The following CLASP1 variants were observed in gnomAD, a reference collection of about 807,000 sequenced individuals.
The protein encoded by CLASP1 is cytoplasmic linker associated protein 1, also known as CLIP-associating protein 1.
A neutral mutation model predicts 192.3 loss-of-function variants in CLASP1; 38 were observed. That is an observed-to-expected ratio of 0.20 (90% CI 0.15 to 0.26). The LOEUF is 0.26. CLASP1 is among the 10% of genes least tolerant of loss of function. CLASP1 has a pLI of 1.00. For synonymous variants in CLASP1, 691 were observed against 712.8 expected (o/e 0.97, Z 0.49); for missense variants, 1,433 against 1,932.5 (o/e 0.74, Z 4.85).
chr2:121,478,936 C>A (rs975977443), intron 8 of CLASP1, among the ~76,000 whole-genome samples: 2 of 13,860 alleles, frequency 1.4e-4, no homozygotes, highest in African/African-American at 2.7e-4. Context: ...CACACAACAC[C>A]CCCCACACAC....
intron 32 of CLASP1, among the ~76,000 whole-genome samples, chr2:121,385,286 C>T (rs910995252): frequency 6.6e-6 from 1 of 152,158 alleles, no homozygotes; most frequent in Non-Finnish European, 1.5e-5. Flanking sequence ...TGGCTATTTA[C>T]ACACTGAATG....
chr2:121,377,069 C>A (rs2070422540), intron 34 of CLASP1, among the ~76,000 whole-genome samples: 1 of 152,220 alleles, frequency 6.6e-6, no homozygotes. Flanking sequence ...CATCCTCCCA[C>A]CAACTGGCCT....
At chr2:121,417,801 TTTTGA>T (rs1262000457) in intron 23 of CLASP1, among the ~76,000 whole-genome samples, 3 of 152,256 alleles carry the variant, frequency 2.0e-5, no homozygotes, top group South Asian at 2.1e-4. Flanking sequence ...GACCTTATGC[TTTTGA>T]TTTAACATCC....
intron 2 of CLASP1, among the ~76,000 whole-genome samples, chr2:121,596,431 T>C (rs933174703): frequency 6.6e-6 from 1 of 152,154 alleles, no homozygotes; most frequent in African/African-American, 2.4e-5. Context: ...TCCAATAATC[T>C]TTTCTGGCTC....
intron 8 of CLASP1, among the ~76,000 whole-genome samples, chr2:121,492,922 T>C (rs2150163088): frequency 6.6e-6 from 1 of 152,242 alleles, no homozygotes; most frequent in African/African-American, 2.4e-5. Flanking sequence ...GTAGAAACAA[T>C]CCAACTGTCC....
chr2:121,369,109 G>A (rs1194222315), intron 34 of CLASP1, among the ~76,000 whole-genome samples: 1 of 152,188 alleles, frequency 6.6e-6, no homozygotes, highest in Non-Finnish European at 1.5e-5. Flanking sequence ...TTGTTTATCT[G>A]TTCATCTGCT....
chr2:121,403,921 T>G (rs1279908546), intron 26 of CLASP1: 6 of 426,760 alleles, frequency 1.4e-5, no homozygotes, highest in Non-Finnish European at 2.3e-5. Flanking sequence ...TATCAATAAA[T>G]CCATTACATA....
Position 121,529,927 on chromosome 2 carries a change from G to T in CLASP1, c.274+320C>A, listed in dbSNP as rs536136610. 2.0e-5 allele frequency among the ~76,000 whole-genome samples: 3 copies of T among 152,320 alleles called. No homozygotes were observed. The South Asian group carries it at 6.2e-4, about 32-fold the overall frequency. ...AAAATGGCACTAATATTTCATATTA[G>T]AACACGTATTACTAAGTTCCGTGTG... On this transcript the variant is annotated intron_variant, in intron 3 of 39. Coordinates refer to ENST00000263710, the Ensembl canonical transcript of CLASP1.
At chr2:121,539,122 A>G (rs2095169264) in intron 2 of CLASP1, among the ~76,000 whole-genome samples, 1 of 152,242 alleles carries the variant, frequency 6.6e-6, no homozygotes, top group South Asian at 2.1e-4. Context: ...ACATTCCACT[A>G]AAAACCCTAA....
chr2:121,488,143 G>T (rs1356380991), intron 8 of CLASP1, among the ~76,000 whole-genome samples: 2 of 152,130 alleles, frequency 1.3e-5, no homozygotes, highest in Non-Finnish European at 2.9e-5. Context: ...CAAGATCTGG[G>T]TACTGGATGG....
At chr2:121,522,534 A>T (rs968452396) in intron 6 of CLASP1, among the ~76,000 whole-genome samples, 2 of 152,232 alleles carry the variant, frequency 1.3e-5, no homozygotes, top group African/African-American at 4.8e-5. Context: ...ATCTTATTTT[A>T]AAAAACTATC....
intron 2 of CLASP1, among the ~76,000 whole-genome samples, chr2:121,597,897 C>A (rs1227976716): frequency 6.6e-6 from 1 of 152,188 alleles, no homozygotes; most frequent in Non-Finnish European, 1.5e-5. Context: ...AGTTGCATAG[C>A]CCAGGCGGTC....
intron 2 of CLASP1, among the ~76,000 whole-genome samples, chr2:121,566,466 G>T (rs1234540276): frequency 4.6e-5 from 7 of 152,174 alleles, no homozygotes; most frequent in African/African-American, 1.7e-4. Context: ...GAAAGACTGG[G>T]TTTTCAAGTA....
At chr2:121,485,129 CA>C (rs1363123895) in intron 8 of CLASP1, among the ~76,000 whole-genome samples, 2 of 152,174 alleles carry the variant, frequency 1.3e-5, no homozygotes, top group African/African-American at 4.8e-5. Context: ...GGCCTTTTAC[CA>C]AAGGCATAAC....
At chr2:121,500,431 AAAG>A (rs760033031) in intron 8 of CLASP1, among the ~76,000 whole-genome samples, 12 of 151,212 alleles carry the variant, frequency 7.9e-5, no homozygotes, top group Non-Finnish European at 1.3e-4. Context: ...AGAAAAGAGA[AAAG>A]AAAAGAGGGA....
At chr2:121,561,294 T>C (rs1193700405) in intron 2 of CLASP1, among the ~76,000 whole-genome samples, 1 of 152,238 alleles carries the variant, frequency 6.6e-6, no homozygotes, top group African/African-American at 2.4e-5. Context: ...TATATCTCCT[T>C]AACTACCTGG....
chr2:121,631,229 A>G (rs2069581440), intron 1 of CLASP1, among the ~76,000 whole-genome samples: 1 of 149,594 alleles, frequency 6.7e-6, no homozygotes, highest in African/African-American at 2.4e-5. Context: ...ACTGAACTAT[A>G]GTCATATTTT....
At chr2:121,441,604 G>A (rs987228640) in intron 19 of CLASP1, among the ~76,000 whole-genome samples, 2 of 152,030 alleles carry the variant, frequency 1.3e-5, no homozygotes, top group Admixed American at 6.5e-5. Flanking sequence ...GGTGGTGCAC[G>A]CCTGTAGTCC....
At chr2:121,418,893 A>C (rs140417862) in intron 22 of CLASP1, among the ~76,000 whole-genome samples, 164 bp from the exon 23 acceptor site, 1 of 152,268 alleles carries the variant, frequency 6.6e-6, no homozygotes, top group African/African-American at 2.4e-5. Flanking sequence ...TCACTGACTG[A>C]CGTGCCAACG....
Sources: allele counts gnomAD v4.1 joint callset (sites outside exome capture counted in the v4.1 genomes callset), GRCh38; gene constraint gnomAD v4.1.1; transcripts MANE v1.5; gene names NCBI Gene and HGNC (gene_info 2026-07-23, HGNC 2026-07-21).